LTBP1: variants seen among roughly 807,000 people sequenced by gnomAD.
LTBP1 encodes the protein latent-transforming growth factor beta-binding protein 1.
A neutral mutation model predicts 207.6 loss-of-function variants in LTBP1; 129 were observed. The ratio of observed to expected loss-of-function variants is 0.62; its 90% CI spans 0.54 to 0.72. LTBP1 has a LOEUF of 0.72. Among genes scored for constraint, LTBP1 ranks in the 30% least tolerant of loss-of-function variants. LTBP1 has a pLI of 0.00. For missense variants in LTBP1, 2,281 were observed against 2,217.2 expected (o/e 1.03, Z -0.58); for synonymous variants, 963 against 833.7 (o/e 1.16, Z -2.67).
intron 11 of LTBP1, among the ~76,000 whole-genome samples, chr2:33,256,228 A>G (rs2092846547): frequency 6.6e-6 from 1 of 152,126 alleles, no homozygotes; most frequent in Admixed American, 6.6e-5. Context: ...TTACTTGAAA[A>G]TAGCTGCATC....
intron 10 of LTBP1, among the ~76,000 whole-genome samples, chr2:33,249,732 A>T (rs571807661): frequency 5.4e-4 from 82 of 152,342 alleles, no homozygotes; most frequent in Non-Finnish European, 9.4e-4. Flanking sequence ...TAGATAAAGT[A>T]TCAGAATCTT....
chr2:33,213,447 A>G (rs2090458123), intron 7 of LTBP1, among the ~76,000 whole-genome samples: 2 of 152,216 alleles, frequency 1.3e-5, no homozygotes. Context: ...GTGTGATTAC[A>G]TCTCACCAGA....
At chr2:33,027,773 G>A (rs1050584285) in intron 3 of LTBP1, among the ~76,000 whole-genome samples, 37 of 152,128 alleles carry the variant, frequency 2.4e-4, no homozygotes, top group African/African-American at 8.7e-4. Context: ...GGAGGTGGAG[G>A]TTGCAGTGAG....
intron 19 of LTBP1, 110 bp from the exon 20 acceptor site, chr2:33,293,050 C>A (rs2093805766): frequency 1.8e-6 from 2 of 1,106,866 alleles, no homozygotes; most frequent in African/African-American, 1.6e-5. Flanking sequence ...CTTTAAGAAT[C>A]TGCCTGGTCT....
In LTBP1 at chr2:33,056,414, G is replaced by A. The variant is rs926292471; in HGVS notation, c.863+35208G>A. 2.4e-5 allele frequency: 26 copies of A among 1,094,492 alleles called. No homozygotes were observed. In the Middle Eastern group the frequency reaches 2.1e-3, roughly 89 times the overall value. The allele number at this position is 1,094,492 out of a possible 1,614,324, so 67.8% of individuals were successfully genotyped here. ...TGTTAGGCAAAATGCCGCCCTGGGC[G>A]ATGGTGACTTTGCCCAGCAGCTTGT... On this transcript the variant is annotated intron_variant, in intron 3 of 33. Transcript: ENST00000404816.
intron 7 of LTBP1, among the ~76,000 whole-genome samples, chr2:33,200,522 C>T (rs2089112338): frequency 6.6e-6 from 1 of 152,056 alleles, no homozygotes; most frequent in African/African-American, 2.4e-5. Flanking sequence ...CCATAAAAAC[C>T]CTAGAAGAAA....
intron 24 of LTBP1, among the ~76,000 whole-genome samples, chr2:33,323,057 A>G (rs1573832480): frequency 6.6e-6 from 1 of 152,134 alleles, no homozygotes; most frequent in East Asian, 1.9e-4. Context: ...TCAATTTATG[A>G]TAGGGTTATG....
intron 32 of LTBP1, among the ~76,000 whole-genome samples, chr2:33,391,186 T>A (rs1387724024): frequency 6.6e-6 from 1 of 152,042 alleles, no homozygotes; most frequent in African/African-American, 2.4e-5. Flanking sequence ...AACACACGCC[T>A]GTGTAACTCC....
intron 24 of LTBP1, among the ~76,000 whole-genome samples, chr2:33,316,587 A>AG (rs5830255): frequency 6.6e-6 from 1 of 152,162 alleles, no homozygotes; most frequent in Non-Finnish European, 1.5e-5. Context: ...AAACAGATTG[A>AG]GGGGTTTGGA....
At position 32,947,756 on chromosome 2, in the gene LTBP1, G is replaced by A. The variant is rs761350988; in HGVS notation, c.432G>A (p.Pro144=). The change falls in exon 1 of 34, where the codon CCG becomes CCA. Residue 144 remains proline (P), a synonymous_variant. Coordinates refer to ENST00000404816, the MANE Select transcript of LTBP1 (RefSeq NM_206943.4). ...QGRQVVRSKV[P]QETQSGGGSR... is the part of the protein sequence containing the mutation. ...GGCAAGTTGTGCGCTCCAAGGTGCC[G>A]CAGGAGACCCAGAGCGGCGGAGGCT... is the stretch of plus-strand genomic sequence containing the variant. 5 of 1,523,656 alleles carry A rather than the reference G, an allele frequency of 3.3e-6. No individual in the cohort carries two copies. The highest frequency in any genetic ancestry group is 4.4e-6 in the Non-Finnish European group (5 of 1,134,764). 94.4% of individuals were successfully genotyped at this position (1,523,656 alleles called of 1,614,324 possible). A position where few individuals can be genotyped will look rare whatever the true frequency, so the allele number is the denominator to read the frequency against.
chr2:33,075,714 T>C (rs1412886411), intron 3 of LTBP1, among the ~76,000 whole-genome samples: 1 of 152,316 alleles, frequency 6.6e-6, no homozygotes, highest in Middle Eastern at 3.4e-3. Context: ...CTGGGTGTTA[T>C]GTTTTTGTCA....
chr2:33,175,351 A>G (rs1206940828), intron 5 of LTBP1, among the ~76,000 whole-genome samples: 8 of 152,070 alleles, frequency 5.3e-5, no homozygotes, highest in Non-Finnish European at 1.0e-4. Flanking sequence ...AAGGATATGA[A>G]CAGACACTTC....
At chr2:33,032,557 C>T (rs2075739626) in intron 3 of LTBP1, among the ~76,000 whole-genome samples, 1 of 152,126 alleles carries the variant, frequency 6.6e-6, no homozygotes, top group African/African-American at 2.4e-5. Flanking sequence ...TGGAAAGGAA[C>T]CTTGGGTAAT....
At position 33,217,890 on chromosome 2, in the gene LTBP1, GA is replaced by G. The variant is rs539446517; in HGVS notation, c.1804+243del. Among the ~76,000 whole-genome samples, 9 of 152,106 alleles carry G rather than the reference GA, an allele frequency of 5.9e-5. No individual in the cohort carries two copies. The East Asian group carries it at 9.6e-4, about 16-fold the overall frequency. ...CCTCTTTAGTTGGATTACTTATGGGGAAAAAAAGTCTTAAGTGGTAATGAGT... is the reference window on the plus strand; with the variant it reads ...CCTCTTTAGTTGGATTACTTATGGGGAAAAAAGTCTTAAGTGGTAATGAGT... On this transcript the variant is annotated intron_variant, in intron 8 of 33. Coordinates refer to ENST00000404816, the MANE Select transcript of LTBP1 (RefSeq NM_206943.4).
At chr2:32,947,839 G>A in intron 1 of LTBP1, 21 bp downstream of exon 1, 2 of 1,272,908 alleles carry the variant, frequency 1.6e-6, no homozygotes, top group Non-Finnish European at 2.0e-6. Flanking sequence ...ACCCCCTTCC[G>A]CCCGCCCGCC....
chr2:33,209,199 C>G (rs1354624434), intron 7 of LTBP1, among the ~76,000 whole-genome samples: 2 of 152,054 alleles, frequency 1.3e-5, no homozygotes, highest in African/African-American at 2.4e-5. Context: ...CACCCTGACT[C>G]TTAGGCCATT....
intron 26 of LTBP1, among the ~76,000 whole-genome samples, chr2:33,352,898 C>T (rs17584334): frequency 0.039 from 5,974 of 151,924 alleles, 136 homozygotes; most frequent in Middle Eastern, 0.078. Context: ...CAAACAATTA[C>T]GCTTTCCCAA....
Position 33,062,492 on chromosome 2 carries a change from G to C in LTBP1, c.863+41286G>C, listed in dbSNP as rs184651018. On this transcript the variant is annotated intron_variant, in intron 3 of 33. Transcript: ENST00000404816. ...AGTGTAGTGTAAGGTGAGAATCCAG[G>C]ATGCTTCATTTTTTTTCTTTATACT... 3.0e-3 allele frequency among the ~76,000 whole-genome samples: 457 copies of C among 152,196 alleles called. 2 individuals are homozygous for C. Among genetic ancestry groups the C allele is most frequent in the African/African-American group, 0.01 (433 of 41,510 alleles).
intron 22 of LTBP1, among the ~76,000 whole-genome samples, chr2:33,302,981 ACACAAACAC>A (rs1558977430): frequency 2.7e-5 from 4 of 149,936 alleles, no homozygotes; most frequent in Non-Finnish European, 5.9e-5. Flanking sequence ...ACACACACAC[ACACAAACAC>A]ACACAAACAC....
Sources: allele counts gnomAD v4.1 joint callset (sites outside exome capture counted in the v4.1 genomes callset), GRCh38; gene constraint gnomAD v4.1.1; transcripts MANE v1.5; gene names NCBI Gene and HGNC (gene_info 2026-07-23, HGNC 2026-07-21).